The following CDH8 variants were observed in gnomAD, a reference collection of about 807,000 sequenced individuals.
The protein encoded by CDH8 is cadherin 8.
CDH8 carries 17 observed loss-of-function variants against 68.1 expected under a neutral mutation model. The observed-to-expected ratio is 0.25, with a 90% CI of 0.17 to 0.37. CDH8 has a LOEUF of 0.37. CDH8 is among the 10% of genes least tolerant of loss of function. CDH8 has a pLI of 1.00. For synonymous variants in CDH8, 372 were observed against 365.1 expected, an observed-to-expected ratio of 1.02 and a Z score of -0.21; for missense variants, 763 against 999.3, an observed-to-expected ratio of 0.76 and a Z score of 3.19.
chr16:61,714,171 G>A (rs1964679899), intron 9 of CDH8: 1 of 520,738 alleles, frequency 1.9e-6, no homozygotes, highest in Non-Finnish European at 3.4e-6. Context: ...AAAATTAAGA[G>A]CATTACCTTT....
intron 8 of CDH8, among the ~76,000 whole-genome samples, chr16:61,767,282 C>A (rs1252756830): frequency 6.6e-6 from 1 of 152,064 alleles, no homozygotes; most frequent in Non-Finnish European, 1.5e-5. Context: ...TGATGTATAT[C>A]CGTGCTTGCA....
intron 3 of CDH8, among the ~76,000 whole-genome samples, chr16:61,888,520 C>A (rs572497866): frequency 6.6e-6 from 1 of 152,160 alleles, no homozygotes; most frequent in African/African-American, 2.4e-5. Flanking sequence ...TGATGGGGAG[C>A]CCCTATTCTC....
At chr16:61,732,283 T>C (rs946292053) in intron 8 of CDH8, among the ~76,000 whole-genome samples, 1 of 151,744 alleles carries the variant, frequency 6.6e-6, no homozygotes, top group Admixed American at 6.6e-5. Context: ...CTAAGTAGGA[T>C]AAACACAAAG....
chr16:61,824,069 T>A (rs180875335), intron 5 of CDH8, among the ~76,000 whole-genome samples: 14 of 152,006 alleles, frequency 9.2e-5, no homozygotes, highest in Non-Finnish European at 1.5e-4. Context: ...GTGGTGTATA[T>A]TTATACAATG....
chr16:61,768,369 CCTTTCTCTCTCTCTCTCTCTCTCTCCCTT>C (rs1960675788), intron 8 of CDH8, among the ~76,000 whole-genome samples: 4 of 23,540 alleles, frequency 1.7e-4, no homozygotes, highest in African/African-American at 5.3e-4. Context: ...TCTCTCTCTC[CCTTTCTCTCTCTCTCTCTCTCTCTCCCTT>C]TCTCTCTCTC....
intron 2 of CDH8, among the ~76,000 whole-genome samples, chr16:61,945,610 C>T (rs1045121662): frequency 1.3e-5 from 2 of 152,098 alleles, no homozygotes; most frequent in African/African-American, 2.4e-5. Flanking sequence ...CAAGGAAGAA[C>T]AGAGAAGAGC....
At chr16:61,714,457 G>T (rs1964685672) in intron 9 of CDH8, among the ~76,000 whole-genome samples, 1 of 151,652 alleles carries the variant, frequency 6.6e-6, no homozygotes, top group African/African-American at 2.4e-5. Flanking sequence ...TCTCTGATGA[G>T]TTGCTTCTGT....
chr16:61,990,383 T>G (rs1196976556), intron 2 of CDH8, among the ~76,000 whole-genome samples: 1 of 146,778 alleles, frequency 6.8e-6, no homozygotes, highest in South Asian at 2.2e-4. Context: ...GGCACAATCT[T>G]GGCTCACTGC....
chr16:61,705,002 A>G (rs551435616), intron 10 of CDH8, among the ~76,000 whole-genome samples: 1 of 152,322 alleles, frequency 6.6e-6, no homozygotes, highest in South Asian at 2.1e-4. Context: ...TAAGATAAAC[A>G]GCCTCAAAAG....
chr16:61,864,042 G>A (rs1963204926), intron 3 of CDH8, among the ~76,000 whole-genome samples: 1 of 152,136 alleles, frequency 6.6e-6, no homozygotes, highest in Non-Finnish European at 1.5e-5. Flanking sequence ...CACAGGGGTT[G>A]CCATGACAAC....
intron 2 of CDH8, among the ~76,000 whole-genome samples, chr16:61,959,380 T>C (rs1272481376): frequency 6.6e-6 from 1 of 152,130 alleles, no homozygotes; most frequent in Non-Finnish European, 1.5e-5. Context: ...TGCTTCTTTG[T>C]CCCATAGAAC....
intron 10 of CDH8, among the ~76,000 whole-genome samples, chr16:61,673,099 C>T (rs983458768): frequency 6.6e-6 from 1 of 152,158 alleles, no homozygotes; most frequent in African/African-American, 2.4e-5. Flanking sequence ...ATGTTTACAT[C>T]TTCCTATCTC....
intron 8 of CDH8, among the ~76,000 whole-genome samples, chr16:61,760,193 C>T (rs1267172971): frequency 6.6e-6 from 1 of 152,024 alleles, no homozygotes; most frequent in Non-Finnish European, 1.5e-5. Context: ...CCATACTATA[C>T]ATTTTTGAAC....
intron 4 of CDH8, among the ~76,000 whole-genome samples, chr16:61,832,327 AGATAATAGATAG>A (rs1962473944): frequency 6.9e-6 from 1 of 145,186 alleles, no homozygotes; most frequent in African/African-American, 2.5e-5. Context: ...GAAGACAGAT[AGATAATAGATAG>A]ATAGATAGAT....
intron 8 of CDH8, among the ~76,000 whole-genome samples, chr16:61,768,379 T>TCTCTCTCTCC (rs1960679214): frequency 9.9e-6 from 1 of 100,780 alleles, no homozygotes; most frequent in Admixed American, 1.1e-4. Flanking sequence ...CCTTTCTCTC[T>TCTCTCTCTCC]CTCTCTCTCT....
chr16:61,959,894 T>C (rs1450205477), intron 2 of CDH8, among the ~76,000 whole-genome samples: 2 of 146,430 alleles, frequency 1.4e-5, no homozygotes, highest in Non-Finnish European at 3.0e-5. Flanking sequence ...TGTGTTTATA[T>C]GTAAATATAT....
chr16:61,964,668 C>T (rs1965216549), intron 2 of CDH8, among the ~76,000 whole-genome samples: 2 of 152,012 alleles, frequency 1.3e-5, no homozygotes, highest in African/African-American at 4.8e-5. Flanking sequence ...TTTCTCTGGG[C>T]CTCGGTCTGC....
At chr16:61,663,103 TAGTAGA>T (rs2142759783) in intron 10 of CDH8, among the ~76,000 whole-genome samples, 1 of 152,018 alleles carries the variant, frequency 6.6e-6, no homozygotes. Context: ...CCTAAAGTGG[TAGTAGA>T]ATTGAGTTTC....
chr16:61,722,752 T>A (rs1022024580), intron 9 of CDH8, among the ~76,000 whole-genome samples: 1 of 150,860 alleles, frequency 6.6e-6, no homozygotes, highest in African/African-American at 2.4e-5. Flanking sequence ...ATACATATCA[T>A]CCAGAAGTAT....
Sources: allele counts gnomAD v4.1 joint callset (sites outside exome capture counted in the v4.1 genomes callset), GRCh38; gene constraint gnomAD v4.1.1; transcripts MANE v1.5; gene names NCBI Gene and HGNC (gene_info 2026-07-23, HGNC 2026-07-21).